The following EGFLAM variants were observed in gnomAD, a reference collection of about 807,000 sequenced individuals.
EGFLAM encodes the protein pikachurin.
A neutral mutation model predicts 113.1 loss-of-function variants in EGFLAM; 79 were observed. The observed-to-expected ratio is 0.70, with a 90% CI of 0.58 to 0.84. The LOEUF (loss-of-function observed/expected upper bound fraction) is 0.84, where lower values mean the gene tolerates loss of function less well. Among genes scored for constraint, EGFLAM ranks in the 40% least tolerant of loss-of-function variants. EGFLAM has a pLI of 0.00. For missense variants in EGFLAM, 1,265 were observed against 1,291.6 expected, an observed-to-expected ratio of 0.98 and a Z score of 0.32; for synonymous variants, 504 against 487.6, an observed-to-expected ratio of 1.03 and a Z score of -0.44.
chr5:38,451,555 C>A, intron 19 of EGFLAM, 97 bp downstream of exon 19: 1 of 1,496,368 alleles, frequency 6.7e-7, no homozygotes, highest in South Asian at 1.3e-5. Context: ...AGAACACAGT[C>A]TGCTGGAATT....
chr5:38,429,181 C>A (rs1282298109), intron 14 of EGFLAM, among the ~76,000 whole-genome samples: 1 of 152,140 alleles, frequency 6.6e-6, no homozygotes, highest in Non-Finnish European at 1.5e-5. Context: ...GGAATGAGTT[C>A]TTGATGGCTG....
chr5:38,262,569 G>A (rs1369187203), intron 1 of EGFLAM, among the ~76,000 whole-genome samples: 1 of 151,984 alleles, frequency 6.6e-6, no homozygotes, highest in Admixed American at 6.6e-5. Flanking sequence ...CTGTAGTTTT[G>A]CCTCTTCCAG....
In EGFLAM at chr5:38,438,302, G is replaced by T. The variant is rs775627064; in HGVS notation, c.2311G>T (p.Val771Leu). 6.2e-7 allele frequency: 1 copy of T among 1,613,670 alleles called. No homozygotes were observed. Among genetic ancestry groups the T allele is most frequent in the Non-Finnish European group, 8.5e-7 (1 of 1,179,754 alleles). ...KIILNDRTIHVKHDFTSGVNV... is the reference protein window; with the variant it reads ...KIILNDRTIHLKHDFTSGVNV... ...CATCCTGAATGACCGAACCATCCAT[G>T]TGAAGCATGACTTCACCTCCGGAGT... is the stretch of plus-strand genomic sequence containing the variant. Residue 771 changes from valine (V) to leucine (L), a missense_variant, in exon 17 of 22, where the codon GTG becomes TTG. By Grantham distance (32) the Val-to-Leu change is conservative. Transcript: ENST00000322350.
intron 11 of EGFLAM, 102 bp downstream of exon 11, chr5:38,412,750 A>C: frequency 2.7e-6 from 4 of 1,476,364 alleles, no homozygotes; most frequent in Non-Finnish European, 3.6e-6. Flanking sequence ...TGCAGGATTC[A>C]AGTTCTGGAT....
At chr5:38,266,934 G>T (rs193051750) in intron 1 of EGFLAM, among the ~76,000 whole-genome samples, 9 of 152,268 alleles carry the variant, frequency 5.9e-5, no homozygotes, top group Admixed American at 5.9e-4. Context: ...AATAGACCGG[G>T]CTCACTCAGT....
At chr5:38,414,051 C>T (rs1561078288) in intron 11 of EGFLAM, among the ~76,000 whole-genome samples, 1 of 152,214 alleles carries the variant, frequency 6.6e-6, no homozygotes, top group Non-Finnish European at 1.5e-5. Context: ...TCCTAACAGG[C>T]CACAGACTGG....
At chr5:38,323,433 C>T (rs1474046613) in intron 1 of EGFLAM, among the ~76,000 whole-genome samples, 4 of 152,182 alleles carry the variant, frequency 2.6e-5, no homozygotes, top group African/African-American at 9.7e-5. Context: ...TTACTTATCT[C>T]TTAAGCAGTA....
intron 6 of EGFLAM, among the ~76,000 whole-genome samples, chr5:38,382,383 T>A (rs992016192): frequency 6.6e-6 from 1 of 152,210 alleles, no homozygotes; most frequent in East Asian, 1.9e-4. Flanking sequence ...TTGAACTAAT[T>A]CCTCATTGAT....
At chr5:38,385,454 CA>C (rs1338874660) in intron 6 of EGFLAM, among the ~76,000 whole-genome samples, 1 of 151,966 alleles carries the variant, frequency 6.6e-6, no homozygotes, top group East Asian at 1.9e-4. Flanking sequence ...CTATGTAAAT[CA>C]TTTATATACT....
At chr5:38,327,293 A>G (rs1738915975) in intron 1 of EGFLAM, among the ~76,000 whole-genome samples, 1 of 152,194 alleles carries the variant, frequency 6.6e-6, no homozygotes, top group Non-Finnish European at 1.5e-5. Context: ...TTCCTTTAGT[A>G]ACCAAGGAGT....
chr5:38,417,167 C>T (rs866826057), intron 11 of EGFLAM, among the ~76,000 whole-genome samples: 6 of 151,916 alleles, frequency 3.9e-5, no homozygotes, highest in African/African-American at 9.7e-5. Context: ...GCCTGACCAA[C>T]GTGGTGAAAC....
At chr5:38,411,375 C>A (rs940210416) in intron 10 of EGFLAM, among the ~76,000 whole-genome samples, 5 of 151,640 alleles carry the variant, frequency 3.3e-5, no homozygotes, top group Non-Finnish European at 7.4e-5. Context: ...TTGCAGTGAG[C>A]AGAGATCACA....
chr5:38,326,549 A>G (rs1477514296), intron 1 of EGFLAM, among the ~76,000 whole-genome samples: 2 of 150,564 alleles, frequency 1.3e-5, no homozygotes, highest in African/African-American at 2.4e-5. Context: ...CCCAGGCTGG[A>G]GTGCAGTGGT....
intron 18 of EGFLAM, among the ~76,000 whole-genome samples, chr5:38,450,454 G>A (rs1742876365): frequency 6.6e-6 from 1 of 152,224 alleles, no homozygotes; most frequent in South Asian, 2.1e-4. Context: ...ACCCAGGTGT[G>A]TGAGACAGAC....
At chr5:38,278,751 A>G (rs1757947885) in intron 1 of EGFLAM, among the ~76,000 whole-genome samples, 1 of 151,856 alleles carries the variant, frequency 6.6e-6, no homozygotes, top group Non-Finnish European at 1.5e-5. Context: ...GGCCTCCCAA[A>G]GTGCTAGGAT....
chr5:38,461,654 G>T (rs1743277153), intron 20 of EGFLAM, among the ~76,000 whole-genome samples: 1 of 152,134 alleles, frequency 6.6e-6, no homozygotes, highest in African/African-American at 2.4e-5. Context: ...ACAAGAGAAA[G>T]TTCTGTAAAT....
intron 19 of EGFLAM, among the ~76,000 whole-genome samples, chr5:38,454,507 A>G (rs898302940): frequency 6.6e-6 from 1 of 152,228 alleles, no homozygotes; most frequent in African/African-American, 2.4e-5. Context: ...AAGAAAAATT[A>G]TGATCCTTGC....
At chr5:38,429,617 TTGAA>T in intron 14 of EGFLAM, among the ~76,000 whole-genome samples, 1 of 152,198 alleles carries the variant, frequency 6.6e-6, no homozygotes, top group East Asian at 1.9e-4. Flanking sequence ...CACTTCCACT[TTGAA>T]TGAATAATTG....
intron 1 of EGFLAM, among the ~76,000 whole-genome samples, chr5:38,333,575 T>G (rs551315496): frequency 1.3e-5 from 2 of 152,356 alleles, no homozygotes; most frequent in South Asian, 4.1e-4. Flanking sequence ...TTTTTTCATA[T>G]GCTTGTTGGT....
Sources: allele counts gnomAD v4.1 joint callset (sites outside exome capture counted in the v4.1 genomes callset), GRCh38; gene constraint gnomAD v4.1.1; transcripts MANE v1.5; gene names NCBI Gene and HGNC (gene_info 2026-07-23, HGNC 2026-07-21).